Variants in SLC38A8 observed in about 807,000 individuals in gnomAD.
SLC38A8 encodes amino acid transporter SLC38A8.
Under a neutral mutation model 46.0 loss-of-function variants are expected in SLC38A8, and 65 were observed. That is an observed-to-expected ratio of 1.41 (90% CI 1.16 to 1.74). The LOEUF (loss-of-function observed/expected upper bound fraction) is 1.74. Ranked by LOEUF, SLC38A8 falls within the 40% of genes most tolerant of loss-of-function variation. The pLI is 0.00. For missense variants in SLC38A8, 998 were observed against 567.9 expected, an observed-to-expected ratio of 1.76 and a Z score of -7.70; for synonymous variants, 447 against 243.7, an observed-to-expected ratio of 1.83 and a Z score of -7.77.
chr16:84,037,382 C>G (rs868134028), intron 2 of SLC38A8, among the ~76,000 whole-genome samples: 3 of 145,404 alleles, frequency 2.1e-5, no homozygotes, highest in African/African-American at 7.6e-5. Flanking sequence ...GGGGGCGGCA[C>G]CGCCCCCTTG....
intron 7 of SLC38A8, among the ~76,000 whole-genome samples, 194 bp from the exon 8 acceptor site, chr16:84,017,481 C>G (rs552358512): frequency 7.2e-5 from 11 of 152,308 alleles, no homozygotes; most frequent in East Asian, 5.8e-4. Flanking sequence ...ATTCAAGACC[C>G]CTGCAGACAA....
rs139413983 is a variant in SLC38A8, at chr16:84,013,992, G to A, written c.1163-940C>T. Among the ~76,000 whole-genome samples the A allele has an allele frequency of 5.3e-5, 8 of 152,036 alleles. No homozygotes were observed. The East Asian group carries it at 1.2e-3, about 22-fold the overall frequency. On this transcript the variant is annotated intron_variant, in intron 9 of 10. Transcript: ENST00000299709. ...ACCCAGAGCCTGAGTGAGGAGCCGT[G>A]TGGCCACACCCTCAGCCCTGAAAGC...
At chr16:84,025,612 C>A (rs1032794948) in intron 6 of SLC38A8, among the ~76,000 whole-genome samples, 7 of 152,162 alleles carry the variant, frequency 4.6e-5, no homozygotes, top group Admixed American at 4.6e-4. Context: ...TACCCACCTA[C>A]CCATCCCGTG....
intron 7 of SLC38A8, among the ~76,000 whole-genome samples, chr16:84,020,928 T>C (rs543863969): frequency 6.6e-6 from 1 of 152,238 alleles, no homozygotes; most frequent in Non-Finnish European, 1.5e-5. Flanking sequence ...GGTTCTCTTT[T>C]GATGATCAAT....
At chr16:84,010,675 C>T (rs1182026217) in intron 10 of SLC38A8, among the ~76,000 whole-genome samples, 4 of 152,140 alleles carry the variant, frequency 2.6e-5, no homozygotes, top group African/African-American at 4.8e-5. Flanking sequence ...ACCCGGGAGG[C>T]AGAGGTCGCA....
chr16:84,034,090 C>T (rs1402213153), intron 3 of SLC38A8, among the ~76,000 whole-genome samples: 1 of 152,210 alleles, frequency 6.6e-6, no homozygotes, highest in Non-Finnish European at 1.5e-5. Flanking sequence ...TGGCTCCCCA[C>T]AACACCTACT....
rs779813888 is a variant in SLC38A8 at position 84,029,520 on chromosome 16, A to C, written c.664T>G (p.Phe222Val). Reference sequence around the variant, plus strand: ...TGAAACCCGAAGCAGATGGTGGGGAAGACACTGAACACAGAGGTCCAGGAG... The same window carrying C: ...TGAAACCCGAAGCAGATGGTGGGGACGACACTGAACACAGAGGTCCAGGAG... The part of the protein sequence containing the change: ...PASWTSVFSV[F>V]PTICFGFQCH... The change falls in exon 6 of 11, where the codon TTC (phenylalanine) becomes GTC (valine). Residue 222 changes from phenylalanine (F) to valine (V), a missense_variant. Coordinates refer to ENST00000299709, the MANE Select transcript of SLC38A8 (RefSeq NM_001080442.3). 2 of 1,614,052 alleles carry C rather than the reference A, an allele frequency of 1.2e-6. No homozygotes were observed. The highest frequency in any genetic ancestry group is 3.3e-5 in the Admixed American group (2 of 60,004).
chr16:84,028,523 C>T (rs1401012528), intron 6 of SLC38A8, among the ~76,000 whole-genome samples: 2 of 150,176 alleles, frequency 1.3e-5, no homozygotes, highest in Non-Finnish European at 3.0e-5. Flanking sequence ...CTGAGATCCA[C>T]TACACTCCAG....
intron 10 of SLC38A8, among the ~76,000 whole-genome samples, chr16:84,012,539 G>A (rs1254725977): frequency 6.6e-6 from 1 of 152,194 alleles, no homozygotes; most frequent in African/African-American, 2.4e-5. Flanking sequence ...GAAGACATGT[G>A]GGTATGGTGG....
intron 10 of SLC38A8, among the ~76,000 whole-genome samples, chr16:84,012,695 G>A (rs571691903): frequency 3.9e-4 from 60 of 152,340 alleles, no homozygotes; most frequent in Admixed American, 2.0e-3. Context: ...GTCCGAGCCA[G>A]GTAACAAAGG....
intron 6 of SLC38A8, among the ~76,000 whole-genome samples, chr16:84,023,619 C>T (rs1358948350): frequency 1.3e-5 from 2 of 152,322 alleles, no homozygotes; most frequent in East Asian, 3.9e-4. Context: ...AGGTGCCGGG[C>T]ACGCTGGCTC....
intron 7 of SLC38A8, among the ~76,000 whole-genome samples, chr16:84,020,924 C>T (rs75598051): frequency 1.3e-5 from 2 of 152,210 alleles, no homozygotes; most frequent in Non-Finnish European, 2.9e-5. Context: ...CTTTGGTTCT[C>T]TTTTGATGAT....
chr16:84,029,494 C>G lies in SLC38A8; in HGVS notation c.690G>C (p.Gln230His). 6.8e-6 allele frequency: 11 copies of G among 1,614,090 alleles called. No individual in the cohort carries two copies. Among genetic ancestry groups the G allele is most frequent in the Non-Finnish European group, 9.3e-6 (11 of 1,179,996 alleles). ...SVFPTICFGF[Q>H]CHEAAVSIYC... Reference sequence around the variant, plus strand: ...GCTGCAACACAGATGCTAAAATTACCTGAAACCCGAAGCAGATGGTGGGGA... The same window carrying G: ...GCTGCAACACAGATGCTAAAATTACGTGAAACCCGAAGCAGATGGTGGGGA... The change falls in exon 6 of 11, where the codon CAG (glutamine) becomes CAC (histidine). Residue 230 changes from glutamine (Q) to histidine (H), a missense_variant and splice_region_variant. Physicochemically the swap from Gln to His is conservative, Grantham distance 24 (BLOSUM62 0). Coordinates refer to ENST00000299709, the MANE Select transcript of SLC38A8 (RefSeq NM_001080442.3).
chr16:84,013,808 C>A (rs1294541170), intron 9 of SLC38A8, among the ~76,000 whole-genome samples: 1 of 151,644 alleles, frequency 6.6e-6, no homozygotes, highest in Admixed American at 6.6e-5. Flanking sequence ...AGGATCCTCT[C>A]TCAACTCAAA....
rs200246042 is a variant in SLC38A8, at chr16:84,036,833, G to A, written c.257C>T (p.Ala86Val). The change falls in exon 3 of 11, where the codon GCC becomes GTC. Residue 86 changes from alanine (A) to valine (V), a missense_variant. Ala to Val is a moderately conservative substitution (Grantham distance 64). Transcript: ENST00000299709. ...LGYAAAVSGQ[A>V]TYQGVVRGLC... The stretch of plus-strand genomic sequence containing the variant: ...CCCCCTGACCACACCCTGGTAGGTG[G>A]CCTGGCCACTGACAGCAGCAGCATA... The A allele has an allele frequency of 4.8e-5, 77 of 1,613,878 alleles. No individual in the cohort carries two copies. In the East Asian group the frequency reaches 1.0e-3, roughly 21 times the overall value.
Position 84,022,799 on chromosome 16 carries a change from A to G in SLC38A8, c.781T>C (p.Cys261Arg), listed in dbSNP as rs374967117. ...ALVSVLSLLACCLIYSLTGVY... is the reference protein window; with the variant it reads ...ALVSVLSLLARCLIYSLTGVY... ...CCCGTCAGTGAATAGATGAGGCAGC[A>G]GGCCAGCAAGGACAGCACAGACACC... Residue 261 changes from cysteine to arginine, a missense_variant, in exon 7 of 11, where the codon TGC becomes CGC. Cys to Arg is a radical substitution (Grantham distance 180, BLOSUM62 -3). Transcript: ENST00000299709. 1 of 1,614,040 alleles carries G rather than the reference A, an allele frequency of 6.2e-7. No homozygotes were observed. Among genetic ancestry groups the G allele is most frequent in the African/African-American group, 1.3e-5 (1 of 74,934 alleles).
intron 2 of SLC38A8, among the ~76,000 whole-genome samples, chr16:84,037,271 C>T (rs945765936): frequency 6.6e-6 from 1 of 152,214 alleles, no homozygotes; most frequent in African/African-American, 2.4e-5. Flanking sequence ...GGCTTGGAAC[C>T]CGAGGTGGAG....
intron 6 of SLC38A8, among the ~76,000 whole-genome samples, chr16:84,024,760 G>T (rs1049489932): frequency 6.6e-6 from 1 of 152,108 alleles, no homozygotes; most frequent in Non-Finnish European, 1.5e-5. Flanking sequence ...CGCGAACTTG[G>T]CTCGCCGCAA....
chr16:84,038,374 G>A (rs2085326559), intron 2 of SLC38A8, among the ~76,000 whole-genome samples: 3 of 151,786 alleles, frequency 2.0e-5, no homozygotes, highest in Admixed American at 2.0e-4. Context: ...ACCCCTGTGG[G>A]CAGCCACCCG....
Sources: gnomAD v4.1 joint callset for allele counts (sites outside exome capture counted in the v4.1 genomes callset) on GRCh38, gnomAD v4.1.1 for gene constraint, MANE v1.5 for transcripts, NCBI Gene and HGNC (gene_info 2026-07-23, HGNC 2026-07-21) for gene names.